Variants in CLYBL observed in about 807,000 individuals in gnomAD.
The protein encoded by CLYBL is citramalyl-CoA lyase, mitochondrial.
Under a neutral mutation model 38.9 loss-of-function variants are expected in CLYBL, and 31 were observed. The ratio of observed to expected loss-of-function variants is 0.80; its 90% CI spans 0.60 to 1.08. CLYBL has a LOEUF of 1.08. Among genes scored for constraint, CLYBL ranks in the 50% least tolerant of loss-of-function variants. The pLI is 0.00. For synonymous variants in CLYBL, 171 were observed against 158.6 expected, an observed-to-expected ratio of 1.08 and a Z score of -0.59; for missense variants, 434 against 411.6, an observed-to-expected ratio of 1.05 and a Z score of -0.47.
At chr13:99,813,354 C>T (rs1272160335) in intron 2 of CLYBL, among the ~76,000 whole-genome samples, 2 of 152,216 alleles carry the variant, frequency 1.3e-5, no homozygotes, top group African/African-American at 2.4e-5. Context: ...GCCGTCTTCA[C>T]ATGTCAGGGG....
chr13:99,817,654 C>CAAA (rs1189248896), intron 2 of CLYBL, among the ~76,000 whole-genome samples: 8 of 49,038 alleles, frequency 1.6e-4, no homozygotes, highest in East Asian at 8.5e-4. Context: ...GACTCTGTCT[C>CAAA]AAAAAAAAAA....
chr13:99,797,400 T>C (rs1321638744), intron 2 of CLYBL, among the ~76,000 whole-genome samples: 1 of 152,220 alleles, frequency 6.6e-6, no homozygotes, highest in Non-Finnish European at 1.5e-5. Context: ...AAGCATTCCA[T>C]GTTAACAGAA....
At chr13:99,872,485 C>A (rs1452340864) in intron 7 of CLYBL, among the ~76,000 whole-genome samples, 5 of 152,208 alleles carry the variant, frequency 3.3e-5, no homozygotes, top group African/African-American at 1.2e-4. Flanking sequence ...CATGTCCATC[C>A]ATCCCCTTCC....
At chr13:99,631,692 G>A (rs572865685) in intron 1 of CLYBL, among the ~76,000 whole-genome samples, 9 of 151,732 alleles carry the variant, frequency 5.9e-5, no homozygotes, top group Admixed American at 2.0e-4. Flanking sequence ...TCCACCTCCC[G>A]GGTTCAAGCG....
At position 99,616,169 on chromosome 13, in the gene CLYBL, A is replaced by C. The variant is rs1212337698; in HGVS notation, c.62+9412A>C. Among the ~76,000 whole-genome samples the C allele has an allele frequency of 7.7e-5, 8 of 104,132 alleles. No individual in the cohort carries two copies. The East Asian group carries it at 2.0e-3, about 25-fold the overall frequency. 68.3% of individuals were successfully genotyped at this position (104,132 alleles called of 152,430 possible). A position where few individuals can be genotyped will look rare whatever the true frequency, so the allele number is the denominator to read the frequency against. Reference sequence around the variant, plus strand: ...TTTTTTTTTTTTTTTTTTTTTTTTAAGACTGGTGAAGCTATGTTGCCCAGA... The same window carrying C: ...TTTTTTTTTTTTTTTTTTTTTTTTACGACTGGTGAAGCTATGTTGCCCAGA... On this transcript the variant is annotated intron_variant, in intron 1 of 8. Transcript: ENST00000339105.
At chr13:99,885,415 C>A (rs1483076984) in intron 7 of CLYBL, among the ~76,000 whole-genome samples, 5 of 152,026 alleles carry the variant, frequency 3.3e-5, no homozygotes, top group African/African-American at 1.2e-4. Context: ...GGAGATGAGG[C>A]TGAGGGGGGA....
chr13:99,674,142 CTTTTTTTTTTT>C (rs1167068936), intron 1 of CLYBL, among the ~76,000 whole-genome samples: 12 of 51,154 alleles, frequency 2.3e-4, no homozygotes, highest in Middle Eastern at 0.013. Context: ...TACTAGAATT[CTTTTTTTTTTT>C]TTTTTTTTTT....
chr13:99,619,964 A>C (rs891835501), intron 1 of CLYBL, among the ~76,000 whole-genome samples: 1 of 152,146 alleles, frequency 6.6e-6, no homozygotes, highest in African/African-American at 2.4e-5. Flanking sequence ...CCTGCACTCA[A>C]TTGGTTTTAC....
Position 99,866,153 on chromosome 13 carries a change from T to G in CLYBL, c.635-87T>G, listed in dbSNP as rs964220622. On this transcript the variant is annotated intron_variant, in intron 5 of 8. Coordinates refer to ENST00000339105, the MANE Select transcript of CLYBL (RefSeq NM_206808.5). The stretch of plus-strand genomic sequence containing the variant: ...AGCAATTTCCAGGGAGGTTTAGATA[T>G]CTGTACAAACTGAGGTTTTATAATA... The G allele has an allele frequency of 3.2e-5, 41 of 1,292,596 alleles. No individual in the cohort carries two copies. The African/African-American group carries it at 6.1e-4, about 19-fold the overall frequency. The allele number at this position is 1,292,596 out of a possible 1,614,324, so 80.1% of individuals were successfully genotyped here.
At chr13:99,743,974 T>C (rs925630579) in intron 1 of CLYBL, among the ~76,000 whole-genome samples, 1 of 138,014 alleles carries the variant, frequency 7.2e-6, no homozygotes, top group Non-Finnish European at 1.6e-5. Context: ...TTCTTTTTTT[T>C]TTTTTTTTTT....
chr13:99,824,946 G>A (rs987119730), intron 2 of CLYBL, among the ~76,000 whole-genome samples: 5 of 151,974 alleles, frequency 3.3e-5, no homozygotes, highest in African/African-American at 4.8e-5. Flanking sequence ...CTCACCCCCT[G>A]CCCCCCACTC....
chr13:99,679,917 A>G (rs1203974063), intron 1 of CLYBL, among the ~76,000 whole-genome samples: 2 of 152,310 alleles, frequency 1.3e-5, no homozygotes, highest in Non-Finnish European at 2.9e-5. Context: ...CTAAAGAGCT[A>G]TGTATGTTAC....
intron 1 of CLYBL, among the ~76,000 whole-genome samples, chr13:99,746,954 A>T (rs1374428567): frequency 6.6e-6 from 1 of 152,190 alleles, no homozygotes; most frequent in African/African-American, 2.4e-5. Flanking sequence ...AACAGAAGAG[A>T]TGCTAATCGC....
chr13:99,668,140 G>C (rs1189173330), intron 1 of CLYBL, among the ~76,000 whole-genome samples: 1 of 152,088 alleles, frequency 6.6e-6, no homozygotes, highest in Non-Finnish European at 1.5e-5. Flanking sequence ...CATACATGGT[G>C]GCACATGCCT....
intron 1 of CLYBL, among the ~76,000 whole-genome samples, chr13:99,722,763 T>C (rs2048414188): frequency 6.6e-6 from 1 of 152,210 alleles, no homozygotes; most frequent in Non-Finnish European, 1.5e-5. Context: ...TTGTTTTAAG[T>C]CCCAGAACAA....
chr13:99,750,745 A>AT (rs1670165552), intron 1 of CLYBL, among the ~76,000 whole-genome samples: 1 of 151,538 alleles, frequency 6.6e-6, no homozygotes, highest in African/African-American at 2.4e-5. Flanking sequence ...TAAAAAAAAA[A>AT]TCTTATGTTT....
intron 1 of CLYBL, among the ~76,000 whole-genome samples, chr13:99,626,128 A>C (rs1359428784): frequency 6.6e-6 from 1 of 152,258 alleles, no homozygotes; most frequent in Non-Finnish European, 1.5e-5. Flanking sequence ...AGCAGGGATC[A>C]GTGCAACAAT....
At chr13:99,791,177 C>T (rs945843662) in intron 2 of CLYBL, among the ~76,000 whole-genome samples, 2 of 151,970 alleles carry the variant, frequency 1.3e-5, no homozygotes, top group African/African-American at 4.8e-5. Flanking sequence ...TTAAATTTCC[C>T]AGTTTTGACA....
intron 2 of CLYBL, among the ~76,000 whole-genome samples, chr13:99,839,970 G>A (rs1291023370): frequency 5.2e-5 from 1 of 19,158 alleles, no homozygotes; most frequent in Non-Finnish European, 1.1e-4. Flanking sequence ...CCACCCACCC[G>A]CACTCCCCAC....
Sources: allele counts gnomAD v4.1 joint callset (sites outside exome capture counted in the v4.1 genomes callset), GRCh38; gene constraint gnomAD v4.1.1; transcripts MANE v1.5; gene names NCBI Gene and HGNC (gene_info 2026-07-23, HGNC 2026-07-21).